RIMS2: variants seen among roughly 807,000 people sequenced by gnomAD.
RIMS2 encodes regulating synaptic membrane exocytosis 2, also known as regulating synaptic membrane exocytosis protein 2.
In RIMS2, 59 loss-of-function variants were observed where a neutral mutation model predicts 174.4. The observed-to-expected ratio is 0.34, with a 90% CI of 0.27 to 0.42. The LOEUF (loss-of-function observed/expected upper bound fraction) is 0.42, where lower values mean the gene tolerates loss of function less well. Ranked by LOEUF, RIMS2 falls within the 10% of genes least tolerant of loss-of-function variation. RIMS2 has a pLI of 1.00. For synonymous variants in RIMS2, 606 were observed against 572.5 expected (o/e 1.06, Z -0.84); for missense variants, 1,620 against 1,666.3 (o/e 0.97, Z 0.48).
At position 103,669,285 on chromosome 8, in the gene RIMS2, C is replaced by A. The variant is rs181203023; in HGVS notation, c.177-27801C>A. Among the ~76,000 whole-genome samples, 97 of 152,280 alleles carry A rather than the reference C, an allele frequency of 6.4e-4. No homozygotes were observed. In the East Asian group the frequency reaches 0.014, roughly 22 times the overall value. On this transcript the variant is annotated intron_variant, in intron 1 of 23. Transcript: ENST00000504942. ...GCCCCCATGATTCAGTTGTCTCCCC[C>A]TGGGTTCTTCCCAAAACGTGGGAAT...
chr8:103,952,367 T>C (rs934013056), intron 14 of RIMS2, among the ~76,000 whole-genome samples: 1 of 152,176 alleles, frequency 6.6e-6, no homozygotes, highest in Non-Finnish European at 1.5e-5. Context: ...GAACTCTGGC[T>C]GGCATCTGGT....
intron 19 of RIMS2, among the ~76,000 whole-genome samples, chr8:104,025,209 T>TA (rs2096223383): frequency 6.6e-6 from 1 of 152,194 alleles, no homozygotes; most frequent in Middle Eastern, 3.2e-3. Flanking sequence ...TGTCACATAA[T>TA]AGGCCAGGTG....
At chr8:103,500,696 C>T, upstream of RIMS2, 1 of 536,966 alleles carries the variant, frequency 1.9e-6, no homozygotes, top group Non-Finnish European at 3.3e-6. Context: ...CCTCAGCCCT[C>T]CTTCCCCACG....
At position 103,700,819 on chromosome 8, in the gene RIMS2, G is replaced by A. The variant is rs780870271; in HGVS notation, c.387+3523G>A. ...TATTTTATCAAGTTATTCAAGATTT[G>A]TAGAATACATATTTAAATTATTGTT... On this transcript the variant is annotated intron_variant, in intron 2 of 23. Transcript: ENST00000504942. 2.0e-5 allele frequency among the ~76,000 whole-genome samples: 3 copies of A among 151,762 alleles called. No homozygotes were observed. In the East Asian group the frequency reaches 5.8e-4, roughly 29 times the overall value.
intron 19 of RIMS2, among the ~76,000 whole-genome samples, chr8:104,197,786 G>A (rs1418220891): frequency 6.6e-6 from 1 of 151,926 alleles, no homozygotes; most frequent in Non-Finnish European, 1.5e-5. Context: ...GATGGAAAAG[G>A]AGAATTTTTT....
At chr8:103,739,093 G>A (rs2097725501) in intron 2 of RIMS2, among the ~76,000 whole-genome samples, 1 of 152,108 alleles carries the variant, frequency 6.6e-6, no homozygotes, top group African/African-American at 2.4e-5. Context: ...TGTTTATTGT[G>A]GCACTATTCA....
intron 1 of RIMS2, among the ~76,000 whole-genome samples, chr8:103,623,300 T>C (rs2095680342): frequency 1.3e-5 from 2 of 152,140 alleles, no homozygotes; most frequent in African/African-American, 4.8e-5. Context: ...TAGTTCAGAT[T>C]AAGTAAAACA....
intron 3 of RIMS2, among the ~76,000 whole-genome samples, chr8:103,840,488 AG>A (rs1199176013): frequency 2.0e-5 from 3 of 151,192 alleles, no homozygotes; most frequent in African/African-American, 4.9e-5. Flanking sequence ...ATTATATCAC[AG>A]TTTTTAATCC....
chr8:103,739,894 A>G (rs1490370542), intron 2 of RIMS2, among the ~76,000 whole-genome samples: 2 of 152,152 alleles, frequency 1.3e-5, no homozygotes, highest in South Asian at 2.1e-4. Flanking sequence ...TCTTTGTACC[A>G]TAGACTAAGT....
At chr8:103,931,781 G>T (rs1029110637) in intron 12 of RIMS2, among the ~76,000 whole-genome samples, 10 of 151,750 alleles carry the variant, frequency 6.6e-5, no homozygotes, top group Non-Finnish European at 1.3e-4. Flanking sequence ...CTACTAAAAA[G>T]TACTCATTTT....
At chr8:103,615,529 A>G (rs1564025713) in intron 1 of RIMS2, among the ~76,000 whole-genome samples, 1 of 152,048 alleles carries the variant, frequency 6.6e-6, no homozygotes, top group Non-Finnish European at 1.5e-5. Flanking sequence ...AACAAAAATT[A>G]GAGATGAATT....
intron 3 of RIMS2, among the ~76,000 whole-genome samples, chr8:103,786,780 A>G (rs1299536411): frequency 6.6e-6 from 1 of 152,194 alleles, no homozygotes; most frequent in African/African-American, 2.4e-5. Flanking sequence ...GTAGATGTCT[A>G]TTAAGTCCGC....
intron 1 of RIMS2, among the ~76,000 whole-genome samples, chr8:103,660,689 T>C (rs2096589192): frequency 6.6e-6 from 1 of 152,222 alleles, no homozygotes; most frequent in Non-Finnish European, 1.5e-5. Flanking sequence ...AGGTCTAACA[T>C]AGATAATCTT....
intron 1 of RIMS2, among the ~76,000 whole-genome samples, chr8:103,588,042 A>C: frequency 6.6e-6 from 1 of 152,100 alleles, no homozygotes; most frequent in East Asian, 1.9e-4. Flanking sequence ...AGAACTAATA[A>C]ACAAATTCAG....
chr8:104,065,532 G>T (rs1011438527), intron 19 of RIMS2, among the ~76,000 whole-genome samples: 10 of 152,036 alleles, frequency 6.6e-5, no homozygotes, highest in African/African-American at 2.4e-4. Flanking sequence ...TCTCTCTAAG[G>T]TTATTATTCT....
At position 103,802,873 on chromosome 8, in the gene RIMS2, CACT is replaced by C. The variant is rs546546788; in HGVS notation, c.698+36337_698+36339del. On this transcript the variant is annotated intron_variant, in intron 3 of 23. Transcript: ENST00000504942. ...CACCTCGAGGGGGAGTTGGAGTCAA[CACT>C]TTTAATAAAGATGAAGATACATTTT... 1.4e-3 allele frequency among the ~76,000 whole-genome samples: 206 copies of C among 152,276 alleles called. 1 individual carries two copies. Among genetic ancestry groups the C allele is most frequent in the African/African-American group, 4.6e-3 (193 of 41,566 alleles).
chr8:103,957,777 A>G (rs541544309), intron 14 of RIMS2, among the ~76,000 whole-genome samples: 1 of 152,328 alleles, frequency 6.6e-6, no homozygotes, highest in Admixed American at 6.5e-5. Flanking sequence ...GAAGACATGC[A>G]TGCGGCCAAC....
At chr8:103,631,952 CTG>C (rs1202330686) in intron 1 of RIMS2, among the ~76,000 whole-genome samples, 1 of 152,092 alleles carries the variant, frequency 6.6e-6, no homozygotes, top group Non-Finnish European at 1.5e-5. Context: ...TATAAAAATA[CTG>C]TTGACTTTTG....
intron 1 of RIMS2, among the ~76,000 whole-genome samples, chr8:103,628,586 T>A (rs565701177): frequency 1.2e-3 from 180 of 151,934 alleles, no homozygotes; most frequent in Middle Eastern, 3.4e-3. Flanking sequence ...ACTCCTGACC[T>A]CAGGTGATCT....
Sources: allele counts gnomAD v4.1 joint callset (sites outside exome capture counted in the v4.1 genomes callset), GRCh38; gene constraint gnomAD v4.1.1; transcripts MANE v1.5; gene names NCBI Gene and HGNC (gene_info 2026-07-23, HGNC 2026-07-21).